The following ZNF587B variants were observed in gnomAD, a reference collection of about 807,000 sequenced individuals.
ZNF587B encodes zinc finger protein 587B.
A neutral mutation model predicts 7.2 loss-of-function variants in ZNF587B; 6 were observed. That is an observed-to-expected ratio of 0.83 (90% CI 0.46 to 1.65). The LOEUF (loss-of-function observed/expected upper bound fraction) is 1.65, where lower values mean the gene tolerates loss of function less well. Among genes scored for constraint, ZNF587B ranks in the 40% most tolerant of loss-of-function variants. The probability of loss-of-function intolerance (pLI) is 0.01; values close to 1 mark genes in which losing one functional copy is unlikely to be tolerated. For missense variants in ZNF587B, 749 were observed against 761.0 expected (o/e 0.98, Z 0.19); for synonymous variants, 274 against 254.3 (o/e 1.08, Z -0.74).
At position 57,846,118 on chromosome 19, in the gene ZNF587B, G is replaced by A. The variant is rs1395006682; in HGVS notation, c.*3542G>A. 2 of 152,190 alleles carry A rather than the reference G, an allele frequency of 1.3e-5. No individual in the cohort carries two copies. Among genetic ancestry groups the A allele is most frequent in the East Asian group, 3.9e-4 (2 of 5,182 alleles). The allele number at this position is 152,190 out of a possible 1,614,324, so 9.4% of individuals were successfully genotyped here. ...TCTATCACCTTTGTATTTACTTGGA[G>A]CCTTTATAAAGTTTTTCTCTCTGCT... is the stretch of plus-strand genomic sequence containing the variant. On this transcript the variant is annotated 3_prime_UTR_variant, in exon 3 of 3. Coordinates refer to ENST00000594901, the MANE Select transcript of ZNF587B (RefSeq NM_001376223.1).
chr19:57,841,759 C>A lies in ZNF587B; in HGVS notation c.1085C>A (p.Ser362Tyr), dbSNP rs1568500881. The A allele has an allele frequency of 1.5e-5, 24 of 1,608,776 alleles. No homozygotes were observed. The highest frequency in any genetic ancestry group is 2.0e-5 in the Non-Finnish European group (24 of 1,177,536). ...RPYKCGECEK[S>Y]FSRKPSLSYH... ...TACAAGTGTGGAGAATGTGAGAAAT[C>A]TTTTAGTCGGAAGCCCAGCCTTAGT... Residue 362 changes from serine (S) to tyrosine (Y), a missense_variant, in exon 3 of 3, where the codon TCT (serine) becomes TAT (tyrosine). Coordinates refer to ENST00000594901, the MANE Select transcript of ZNF587B (RefSeq NM_001376223.1).
chr19:57,840,381 A>G (rs1246465754), intron 2 of ZNF587B, among the ~76,000 whole-genome samples: 6 of 151,948 alleles, frequency 3.9e-5, no homozygotes, highest in Non-Finnish European at 7.4e-5. Flanking sequence ...AATCTCATCC[A>G]TTTTACATAT....
At position 57,830,534 on chromosome 19, in the gene ZNF587B, G is replaced by A. The variant is rs1174887135; in HGVS notation, c.6G>A (p.Ala2=). M[A]VVATLRLSAQ... is the part of the protein sequence containing the mutation. Reference sequence around the variant, plus strand: ...GCTTTAAACCACGTGGTTCGATGGCGGTGGTGGCCACGCTGAGGCTCTCTG... The same window carrying A: ...GCTTTAAACCACGTGGTTCGATGGCAGTGGTGGCCACGCTGAGGCTCTCTG... The change falls in exon 1 of 3, where the codon GCG becomes GCA. Residue 2 remains alanine, a synonymous_variant. Transcript: ENST00000594901. 3 of 1,549,670 alleles carry A rather than the reference G, an allele frequency of 1.9e-6. No homozygotes were observed. Among genetic ancestry groups the A allele is most frequent in the Non-Finnish European group, 2.6e-6 (3 of 1,147,130 alleles).
chr19:57,830,651 A>G lies in ZNF587B; in HGVS notation c.36+87A>G, dbSNP rs922173329. ...TGCAAGGAAGAGTCTTTAAGGTGGC[A>G]GAGCCATAGGCAGCAGATGCTGAGT... On this transcript the variant is annotated intron_variant, in intron 1 of 2. Coordinates refer to ENST00000594901, the MANE Select transcript of ZNF587B (RefSeq NM_001376223.1). 1.2e-5 allele frequency: 17 copies of G among 1,458,534 alleles called. No individual in the cohort carries two copies. In the Admixed American group the frequency reaches 1.8e-4, roughly 15 times the overall value. The allele number at this position is 1,458,534 out of a possible 1,614,324, so 90.3% of individuals were successfully genotyped here.
rs1988825345 is a variant in ZNF587B, at chr19:57,841,142, G to T, written c.468G>T (p.Leu156Phe). 1.2e-6 allele frequency: 2 copies of T among 1,614,212 alleles called. No homozygotes were observed. The highest frequency in any genetic ancestry group is 1.7e-6 in the Non-Finnish European group (2 of 1,180,050). ...ACAGAGGGAGTGTTGAGGAGGCGTT[G>T]TTTGTGAAGAGGTGTAAGTTGCATG... Reference protein sequence around the residue: ...KPYRGSVEEALFVKRCKLHVS... With the variant: ...KPYRGSVEEAFFVKRCKLHVS... Residue 156 changes from leucine (L) to phenylalanine (F), a missense_variant, in exon 3 of 3, where the codon TTG becomes TTT. This residue lies in a region of ZNF587B where 656 missense variants were observed against 596.5 expected (regional missense o/e 1.10). Transcript: ENST00000594901.
Position 57,841,844 on chromosome 19 carries a change from T to A in ZNF587B, c.1170T>A (p.Ser390=), listed in dbSNP as rs1434993256. 1 of 1,612,612 alleles carries A rather than the reference T, an allele frequency of 6.2e-7. No homozygotes were observed. Among genetic ancestry groups the A allele is most frequent in the Non-Finnish European group, 8.5e-7 (1 of 1,179,432 alleles). ...ACAAGTGTGGAGAATGTGGGAAATC[T>A]TATATTTCAAAGGGGCACCTTAGGA... ...RPYKCGECGK[S]YISKGHLRIH... The change falls in exon 3 of 3, where the codon TCT becomes TCA. Residue 390 remains serine, a synonymous_variant. Coordinates refer to ENST00000594901, the MANE Select transcript of ZNF587B (RefSeq NM_001376223.1).
In ZNF587B at chr19:57,843,338, C is replaced by T. The variant is rs1437859564; in HGVS notation, c.*762C>T. The T allele has an allele frequency of 3.0e-6, 3 of 985,148 alleles. No homozygotes were observed. The highest frequency in any genetic ancestry group is 3.6e-6 in the Non-Finnish European group (3 of 829,892). The allele number at this position is 985,148 out of a possible 1,614,324, so 61.0% of individuals were successfully genotyped here. A position where few individuals can be genotyped will look rare whatever the true frequency, so the allele number is the denominator to read the frequency against. ...ATGGGAGGAGATCCTTTGAGGGCAC[C>T]ATGTGCCCAAATTGAAAAAACTCCA... is the stretch of plus-strand genomic sequence containing the variant. On this transcript the variant is annotated 3_prime_UTR_variant, in exon 3 of 3. Coordinates refer to ENST00000594901, the MANE Select transcript of ZNF587B (RefSeq NM_001376223.1).
chr19:57,838,104 C>T (rs1259288497), intron 1 of ZNF587B, among the ~76,000 whole-genome samples: 1 of 151,638 alleles, frequency 6.6e-6, no homozygotes, highest in African/African-American at 2.4e-5. Flanking sequence ...GTCAGGAGTT[C>T]GAGACCAGCC....
chr19:57,831,686 G>T (rs1436302379), intron 1 of ZNF587B, among the ~76,000 whole-genome samples: 2 of 151,250 alleles, frequency 1.3e-5, no homozygotes, highest in Admixed American at 1.3e-4. Flanking sequence ...GAGCCACCGA[G>T]CCCAGCTTAT....
In ZNF587B at chr19:57,842,283, T is replaced by C. The variant is rs1002523072; in HGVS notation, c.1609T>C (p.Phe537Leu). Reference protein sequence around the residue: ...CGKSFTHSCAFIVHKRVHTGQ... With the variant: ...CGKSFTHSCALIVHKRVHTGQ... ...GAAGTCATTTACCCACAGCTGTGCA[T>C]TCATTGTTCATAAGAGAGTTCACAC... Residue 537 changes from phenylalanine to leucine, a missense_variant, in exon 3 of 3, where the codon TTC (phenylalanine) becomes CTC (leucine). Coordinates refer to ENST00000594901, the MANE Select transcript of ZNF587B (RefSeq NM_001376223.1). 9 of 1,612,732 alleles carry C rather than the reference T, an allele frequency of 5.6e-6. No individual in the cohort carries two copies. The African/African-American group carries it at 1.2e-4, about 22-fold the overall frequency.
At position 57,843,702 on chromosome 19, in the gene ZNF587B, A is replaced by G. The variant is rs1254716496; in HGVS notation, c.*1126A>G. On this transcript the variant is annotated 3_prime_UTR_variant, in exon 3 of 3. Transcript: ENST00000594901. The stretch of plus-strand genomic sequence containing the variant: ...TTGCAACCTCTGCCTCCTGAGTTCA[A>G]GCAATTCTCCTTTCTCAGCCTCCTG... 2.1e-6 allele frequency: 1 copy of G among 477,274 alleles called. No homozygotes were observed. The highest frequency in any genetic ancestry group is 2.7e-6 in the Non-Finnish European group (1 of 367,828). The allele number at this position is 477,274 out of a possible 1,614,324, so 29.6% of individuals were successfully genotyped here.
chr19:57,839,058 T>C lies in ZNF587B; in HGVS notation c.72T>C (p.Phe24=), dbSNP rs760630956. 3.1e-6 allele frequency: 5 copies of C among 1,614,010 alleles called. No homozygotes were observed. In the African/African-American group the frequency reaches 6.7e-5, roughly 22 times the overall value. ...TVTFEDVAVK[F]TQEEWNLLSE... ...CTTTTGAAGACGTGGCTGTGAAATTTACCCAGGAGGAATGGAATCTCCTTA... is the reference window on the plus strand; with the variant it reads ...CTTTTGAAGACGTGGCTGTGAAATTCACCCAGGAGGAATGGAATCTCCTTA... The change falls in exon 2 of 3, where the codon TTT becomes TTC. Residue 24 remains phenylalanine, a synonymous_variant. Coordinates refer to ENST00000594901, the MANE Select transcript of ZNF587B (RefSeq NM_001376223.1).
chr19:57,835,992 C>A (rs1296323788), intron 1 of ZNF587B, among the ~76,000 whole-genome samples: 1 of 151,726 alleles, frequency 6.6e-6, no homozygotes, highest in African/African-American at 2.4e-5. Flanking sequence ...TTGCCTGGGT[C>A]CCTGGCGGAC....
intron 1 of ZNF587B, among the ~76,000 whole-genome samples, chr19:57,837,218 G>C (rs547578573): frequency 6.6e-6 from 1 of 151,938 alleles, no homozygotes; most frequent in African/African-American, 2.4e-5. Context: ...GCTCTTTGTG[G>C]TGAGTGGTGT....
chr19:57,836,868 C>G (rs1362331566), intron 1 of ZNF587B, among the ~76,000 whole-genome samples: 1 of 148,990 alleles, frequency 6.7e-6, no homozygotes, highest in Non-Finnish European at 1.5e-5. Flanking sequence ...GGAGCTGAGG[C>G]AAGAGAATTG....
At chr19:57,840,067 T>G (rs1230780199) in intron 2 of ZNF587B, among the ~76,000 whole-genome samples, 3 of 105,052 alleles carry the variant, frequency 2.9e-5, no homozygotes, top group Non-Finnish European at 5.3e-5. Flanking sequence ...AGAGCGAGAC[T>G]CTGTCTCCAA....
rs767491702 is a variant in ZNF587B, at chr19:57,841,684, C to G, written c.1010C>G (p.Ser337Ter). ...GGAGAATGTGGGAAATCTTTTAGTT[C>G]AAACGTGAACCTTAAGAGTCATCAG... Reference protein sequence around the residue: ...ECGECGKSFSSNVNLKSHQRI... With the variant: ...ECGECGKSFS The change falls in exon 3 of 3, where the codon TCA (serine) becomes TGA (stop). Residue 337 changes from serine (S) to a stop codon, truncating the protein, a stop_gained. Coordinates refer to ENST00000594901, the MANE Select transcript of ZNF587B (RefSeq NM_001376223.1). LOFTEE classifies it low-confidence loss of function (END_TRUNC). 1 of 1,604,820 alleles carries G rather than the reference C, an allele frequency of 6.2e-7. No homozygotes were observed. The highest frequency in any genetic ancestry group is 1.1e-5 in the South Asian group (1 of 90,186).
Position 57,831,443 on chromosome 19 carries a change from G to T in ZNF587B, c.36+879G>T, listed in dbSNP as rs1313204384. ...AGTTTCACTCTTGTTGCCCAGGCTG[G>T]ATGCAATGGCGTGATCTCGGCTCAC... On this transcript the variant is annotated intron_variant, in intron 1 of 2. Coordinates refer to ENST00000594901, the MANE Select transcript of ZNF587B (RefSeq NM_001376223.1). Among the ~76,000 whole-genome samples, 13 of 152,262 alleles carry T rather than the reference G, an allele frequency of 8.5e-5. No individual in the cohort carries two copies. The East Asian group carries it at 2.5e-3, about 29-fold the overall frequency.
intron 1 of ZNF587B, among the ~76,000 whole-genome samples, chr19:57,831,833 T>G (rs1222618064): frequency 1.3e-5 from 2 of 151,710 alleles, no homozygotes; most frequent in Non-Finnish European, 2.9e-5. Context: ...GCCTCCCAAG[T>G]AGCTGGGATT....
Sources: allele counts gnomAD v4.1 joint callset (sites outside exome capture counted in the v4.1 genomes callset), GRCh38; gene constraint gnomAD v4.1.1; regional missense constraint gnomAD v4.1.1; transcripts MANE v1.5; gene names NCBI Gene and HGNC (gene_info 2026-07-23, HGNC 2026-07-21).